The following ITPR2 variants were observed in gnomAD, a reference collection of about 807,000 sequenced individuals.
ITPR2 encodes inositol 1,4,5-trisphosphate receptor type 2, also known as inositol 1,4,5-trisphosphate-gated calcium channel ITPR2.
In ITPR2, 207 loss-of-function variants were observed where a neutral mutation model predicts 317.1. The observed-to-expected ratio is 0.65, with a 90% CI of 0.58 to 0.73. ITPR2 has a LOEUF of 0.73. Ranked by LOEUF, ITPR2 falls within the 30% of genes least tolerant of loss-of-function variation. The probability of loss-of-function intolerance (pLI) is 0.00; values close to 1 mark genes in which losing one functional copy is unlikely to be tolerated. For synonymous variants in ITPR2, 1,156 were observed against 1,149.1 expected (o/e 1.01, Z -0.12); for missense variants, 2,613 against 3,284.0 (o/e 0.80, Z 4.99).
At chr12:26,711,533 A>G (rs1482850102) in intron 8 of ITPR2, among the ~76,000 whole-genome samples, 1 of 152,198 alleles carries the variant, frequency 6.6e-6, no homozygotes, top group Non-Finnish European at 1.5e-5. Context: ...TGTTTCCAAG[A>G]CCAAAGTGGA....
chr12:26,546,671 T>C (rs1327908364), intron 37 of ITPR2, among the ~76,000 whole-genome samples: 1 of 152,130 alleles, frequency 6.6e-6, no homozygotes, highest in African/African-American at 2.4e-5. Flanking sequence ...TACACTACAC[T>C]AACCAAAGCA....
intron 45 of ITPR2, among the ~76,000 whole-genome samples, chr12:26,459,236 A>C (rs1235278559): frequency 1.3e-5 from 2 of 152,236 alleles, no homozygotes; most frequent in African/African-American, 4.8e-5. Context: ...TTGCTCAGTG[A>C]CAGCAAGACA....
chr12:26,426,826 AT>A (rs1941073910), intron 49 of ITPR2, among the ~76,000 whole-genome samples: 1 of 151,032 alleles, frequency 6.6e-6, no homozygotes. Context: ...TAATAAATAA[AT>A]AAAATAAATA....
intron 26 of ITPR2, among the ~76,000 whole-genome samples, chr12:26,611,406 G>T (rs1250990801): frequency 6.6e-6 from 1 of 152,062 alleles, no homozygotes; most frequent in African/African-American, 2.4e-5. Flanking sequence ...ATATGAAAAA[G>T]AACCAATTAA....
intron 32 of ITPR2, among the ~76,000 whole-genome samples, chr12:26,593,898 A>G (rs1251169233): frequency 1.3e-5 from 2 of 152,236 alleles, no homozygotes; most frequent in Admixed American, 6.5e-5. Context: ...TTTATAGCTC[A>G]TGCTGCCTAC....
chr12:26,426,170 T>G (rs1471209231), intron 49 of ITPR2, among the ~76,000 whole-genome samples: 1 of 152,224 alleles, frequency 6.6e-6, no homozygotes, highest in Non-Finnish European at 1.5e-5. Context: ...AGCTATTATT[T>G]CACTTTGTCA....
chr12:26,468,401 G>T (rs2136803549), intron 45 of ITPR2, among the ~76,000 whole-genome samples: 1 of 152,154 alleles, frequency 6.6e-6, no homozygotes, highest in East Asian at 1.9e-4. Context: ...ATAAGATTAT[G>T]GACTGCCAGA....
chr12:26,810,302 T>TC (rs1950711431), intron 1 of ITPR2, among the ~76,000 whole-genome samples: 2 of 152,250 alleles, frequency 1.3e-5, no homozygotes, highest in Non-Finnish European at 2.9e-5. Context: ...AGCTTTTTTT[T>TC]CATAGTGTCC....
At chr12:26,764,576 C>T (rs559756053) in intron 2 of ITPR2, among the ~76,000 whole-genome samples, 3 of 152,058 alleles carry the variant, frequency 2.0e-5, no homozygotes, top group Admixed American at 2.0e-4. Context: ...ATGTAACAAA[C>T]CTGCATGTTC....
intron 2 of ITPR2, among the ~76,000 whole-genome samples, chr12:26,776,083 C>A (rs1310712141): frequency 2.0e-5 from 3 of 151,630 alleles, no homozygotes; most frequent in Admixed American, 1.3e-4. Flanking sequence ...CTGGAGCTGG[C>A]TGCTTAATAT....
intron 56 of ITPR2, 62 bp from the exon 57 acceptor site, chr12:26,339,545 G>A: frequency 3.1e-6 from 4 of 1,303,184 alleles, no homozygotes; most frequent in Non-Finnish European, 4.4e-6. Context: ...GTGCTGGTGG[G>A]CCACAACCGT....
chr12:26,697,731 C>T (rs1280960615), intron 9 of ITPR2, among the ~76,000 whole-genome samples: 1 of 151,978 alleles, frequency 6.6e-6, no homozygotes, highest in Non-Finnish European at 1.5e-5. Flanking sequence ...TTGCTTGAAC[C>T]CAGGAGGCAG....
intron 9 of ITPR2, among the ~76,000 whole-genome samples, chr12:26,704,168 A>G (rs1462705951): frequency 6.6e-6 from 1 of 151,812 alleles, no homozygotes; most frequent in East Asian, 1.9e-4. Context: ...AAATGTATAG[A>G]CCATAAAAAA....
chr12:26,652,219 C>G (rs553467952), intron 21 of ITPR2, among the ~76,000 whole-genome samples: 4 of 152,210 alleles, frequency 2.6e-5, no homozygotes, highest in Non-Finnish European at 5.9e-5. Flanking sequence ...GGCAGCTGTA[C>G]TAAAAATGAA....
At chr12:26,736,665 G>T (rs567805566) in intron 2 of ITPR2, among the ~76,000 whole-genome samples, 2 of 152,242 alleles carry the variant, frequency 1.3e-5, no homozygotes, top group Admixed American at 6.5e-5. Flanking sequence ...TCTCAAGAAT[G>T]TCCTGGTTTG....
chr12:26,728,484 T>C (rs1410085954), intron 2 of ITPR2, among the ~76,000 whole-genome samples: 2 of 152,190 alleles, frequency 1.3e-5, no homozygotes, highest in Admixed American at 6.5e-5. Context: ...CAGTAAATAA[T>C]TGATCTGTTT....
chr12:26,398,088 GT>G (rs1241606310), intron 54 of ITPR2, among the ~76,000 whole-genome samples: 7 of 151,350 alleles, frequency 4.6e-5, no homozygotes, highest in Non-Finnish European at 1.0e-4. Flanking sequence ...GTGTGTGTGT[GT>G]GTGTGTGTAA....
At chr12:26,367,762 T>G (rs1033049898) in intron 55 of ITPR2, among the ~76,000 whole-genome samples, 1 of 152,218 alleles carries the variant, frequency 6.6e-6, no homozygotes, top group African/African-American at 2.4e-5. Context: ...GGTTGCCAGA[T>G]AGAGAAATTG....
intron 21 of ITPR2, among the ~76,000 whole-genome samples, chr12:26,642,329 G>A (rs1947008837): frequency 6.6e-6 from 1 of 152,188 alleles, no homozygotes; most frequent in South Asian, 2.1e-4. Context: ...TTGTGAAGTT[G>A]GGAGGTGGGA....
Sources: allele counts gnomAD v4.1 joint callset (sites outside exome capture counted in the v4.1 genomes callset), GRCh38; gene constraint gnomAD v4.1.1; transcripts MANE v1.5; gene names NCBI Gene and HGNC (gene_info 2026-07-23, HGNC 2026-07-21).